FAM193A: variants seen among roughly 807,000 people sequenced by gnomAD.
The protein encoded by FAM193A is protein FAM193A.
Under a neutral mutation model 126.5 loss-of-function variants are expected in FAM193A, and 22 were observed. The ratio of observed to expected loss-of-function variants is 0.17; its 90% confidence interval spans 0.12 to 0.25. The LOEUF (loss-of-function observed/expected upper bound fraction) is 0.25, where lower values mean the gene tolerates loss of function less well. FAM193A is among the 10% of genes least tolerant of loss of function. FAM193A has a pLI of 1.00. For synonymous variants in FAM193A, 761 were observed against 646.8 expected (o/e 1.18, Z -2.68); for missense variants, 1,675 against 1,672.8 (o/e 1.00, Z -0.02).
At chr4:2,686,977 C>T (rs1487284044) in intron 13 of FAM193A, among the ~76,000 whole-genome samples, 1 of 152,192 alleles carries the variant, frequency 6.6e-6, no homozygotes, top group Non-Finnish European at 1.5e-5. Context: ...TCCCATGGGG[C>T]TCCCTTACCA....
chr4:2,672,185 C>A lies in FAM193A; in HGVS notation c.2144C>A (p.Pro715Gln), dbSNP rs145745319. The A allele has an allele frequency of 9.5e-4, 1,531 of 1,614,116 alleles. 4 individuals carry two copies. The highest frequency in any genetic ancestry group is 8.0e-3 in the African/African-American group (601 of 75,026). The change falls in exon 13 of 21, where the codon CCA becomes CAA. Residue 715 changes from proline (P) to glutamine (Q), a missense_variant. Around this residue, in one of 4 missense-constraint regions of FAM193A, gnomAD observed 1,186 missense variants for 1,109.2 expected, o/e 1.07. Coordinates refer to ENST00000637812, the MANE Select transcript of FAM193A (RefSeq NM_001366318.2). Reference protein sequence around the residue: ...VCKQEASGLTPSAMTAGALPP... With the variant: ...VCKQEASGLTQSAMTAGALPP... The stretch of plus-strand genomic sequence containing the variant: ...AAGCAGGAAGCTTCTGGACTGACAC[C>A]ATCTGCAATGACAGCCGGAGCCCTT...
At chr4:2,723,748 TTA>T (rs1209171566) in intron 20 of FAM193A, among the ~76,000 whole-genome samples, 8 of 152,196 alleles carry the variant, frequency 5.3e-5, no homozygotes, top group Admixed American at 5.2e-4. Flanking sequence ...GCAAAAACCT[TTA>T]TGTTTTGATA....
chr4:2,619,497 AAATACTAAT>A (rs1187934290), intron 2 of FAM193A, among the ~76,000 whole-genome samples: 1 of 151,922 alleles, frequency 6.6e-6, no homozygotes, highest in Non-Finnish European at 1.5e-5. Context: ...GTAGAGCTAA[AAATACTAAT>A]TTTTGTATTT....
chr4:2,703,821 A>C (rs1312060768), intron 19 of FAM193A, among the ~76,000 whole-genome samples: 3 of 140,532 alleles, frequency 2.1e-5, no homozygotes, highest in Non-Finnish European at 4.7e-5. Context: ...AAAAAAAGCC[A>C]CTTATCTGGG....
chr4:2,664,351 G>A (rs1712840938), intron 12 of FAM193A, among the ~76,000 whole-genome samples: 1 of 152,066 alleles, frequency 6.6e-6, no homozygotes, highest in Non-Finnish European at 1.5e-5. Flanking sequence ...CTATTGAATT[G>A]CCTTGGCCAT....
rs558126598 is a variant in FAM193A at position 2,620,147 on chromosome 4, C to T, written c.502-5115C>T. ...TAAATTGTGTTAGACTTGGGTGAAA[C>T]ATGACTGAGGTTAAATCTGTATATG... On this transcript the variant is annotated intron_variant, in intron 2 of 20. Coordinates refer to ENST00000637812, the MANE Select transcript of FAM193A (RefSeq NM_001366318.2). Among the ~76,000 whole-genome samples the T allele has an allele frequency of 4.6e-5, 7 of 152,240 alleles. No individual in the cohort carries two copies. The South Asian group carries it at 1.5e-3, about 32-fold the overall frequency.
At position 2,699,660 on chromosome 4, in the gene FAM193A, CCTT is replaced by C; in HGVS notation, c.3508-16_3508-14del. The C allele has an allele frequency of 6.4e-7, 1 of 1,574,500 alleles. No homozygotes were observed. Among genetic ancestry groups the C allele is most frequent in the African/African-American group, 1.4e-5 (1 of 72,678 alleles). On this transcript the variant is annotated splice_polypyrimidine_tract_variant and intron_variant, in intron 18 of 20. Coordinates refer to ENST00000637812, the MANE Select transcript of FAM193A (RefSeq NM_001366318.2). ...TAGCACTCACTGTAGTCTTAAATTG[CCTT>C]CTTTTTGCATTGGCAGCTGGAGGAG...
chr4:2,689,786 C>A, intron 14 of FAM193A, 82 bp downstream of exon 14: 1 of 1,029,748 alleles, frequency 9.7e-7, no homozygotes, highest in Non-Finnish European at 1.4e-6. Context: ...CCCGTGGAAG[C>A]CCTGGCGCAG....
intron 2 of FAM193A, among the ~76,000 whole-genome samples, chr4:2,612,273 G>A (rs1180212249): frequency 6.6e-6 from 1 of 151,788 alleles, no homozygotes; most frequent in Non-Finnish European, 1.5e-5. Flanking sequence ...AGGCTGAGAC[G>A]GGTGGGTCAC....
rs775558680 is a variant in FAM193A at position 2,636,110 on chromosome 4, C to T, written c.1039-3625C>T. Among the ~76,000 whole-genome samples, 99 of 150,956 alleles carry T rather than the reference C, an allele frequency of 6.6e-4. 2 individuals are homozygous for T. The highest frequency in any genetic ancestry group is 1.8e-4 in the Non-Finnish European group (12 of 67,884). On this transcript the variant is annotated intron_variant, in intron 5 of 20. Transcript: ENST00000637812. ...GTCTCAAAAAAAAATCTCGCTCTGT[C>T]TCGCTGTGTCCCTCATGATCTCGGC...
chr4:2,544,716 A>T (rs1737443674), intron 1 of FAM193A, among the ~76,000 whole-genome samples: 1 of 151,984 alleles, frequency 6.6e-6, no homozygotes, highest in Admixed American at 6.6e-5. Flanking sequence ...AAAGAAAAAA[A>T]GAATTAGCCT....
intron 20 of FAM193A, 31 bp downstream of exon 20, chr4:2,716,135 G>A (rs1560609072): frequency 2.2e-6 from 3 of 1,369,776 alleles, no homozygotes; most frequent in Middle Eastern, 1.8e-4. Context: ...TGAAACCGTG[G>A]TGACTGTGTG....
At chr4:2,573,261 C>G (rs894949970) in intron 1 of FAM193A, among the ~76,000 whole-genome samples, 6 of 151,996 alleles carry the variant, frequency 3.9e-5, no homozygotes, top group Non-Finnish European at 7.4e-5. Flanking sequence ...ACCTGTAATC[C>G]CAGCACTTTG....
At chr4:2,552,814 G>A (rs1738017154) in intron 1 of FAM193A, among the ~76,000 whole-genome samples, 2 of 151,384 alleles carry the variant, frequency 1.3e-5, no homozygotes, top group South Asian at 4.2e-4. Flanking sequence ...TGGGATTACA[G>A]GTGTGAGCCA....
At chr4:2,551,815 G>T (rs775706109) in intron 1 of FAM193A, among the ~76,000 whole-genome samples, 5 of 150,940 alleles carry the variant, frequency 3.3e-5, no homozygotes, top group Non-Finnish European at 7.4e-5. Flanking sequence ...TATTTGCTTT[G>T]GGTTTGTTTT....
intron 4 of FAM193A, among the ~76,000 whole-genome samples, chr4:2,628,895 C>CA (rs1334299893): frequency 6.6e-6 from 1 of 151,144 alleles, no homozygotes; most frequent in Non-Finnish European, 1.5e-5. Context: ...CTCTGTCACC[C>CA]AGGGTGGAGT....
intron 1 of FAM193A, among the ~76,000 whole-genome samples, chr4:2,563,596 T>G (rs1022209978): frequency 1.3e-5 from 2 of 151,946 alleles, no homozygotes; most frequent in Non-Finnish European, 1.5e-5. Context: ...GGATCAGAGA[T>G]AATGCTAATA....
chr4:2,537,552 C>T (rs1736959782), intron 1 of FAM193A, among the ~76,000 whole-genome samples: 1 of 152,244 alleles, frequency 6.6e-6, no homozygotes, highest in African/African-American at 2.4e-5. Context: ...CGGGTGATAC[C>T]CGCGAGGCCC....
intron 6 of FAM193A, among the ~76,000 whole-genome samples, chr4:2,640,185 T>G (rs1437779481): frequency 6.6e-6 from 1 of 152,178 alleles, no homozygotes; most frequent in African/African-American, 2.4e-5. Context: ...CTATGGCTCT[T>G]GGACATGTAG....
Sources: allele counts gnomAD v4.1 joint callset (sites outside exome capture counted in the v4.1 genomes callset), GRCh38; gene constraint gnomAD v4.1.1; regional missense constraint gnomAD v4.1.1; transcripts MANE v1.5; gene names NCBI Gene and HGNC (gene_info 2026-07-23, HGNC 2026-07-21).